Variants in PRSS35 observed in about 807,000 individuals in gnomAD.
PRSS35 encodes inactive serine protease 35.
A neutral mutation model predicts 8.1 loss-of-function variants in PRSS35; 7 were observed. The ratio of observed to expected loss-of-function variants is 0.86; its 90% CI spans 0.49 to 1.62. The LOEUF (loss-of-function observed/expected upper bound fraction) is 1.62. Among genes scored for constraint, PRSS35 ranks in the 40% most tolerant of loss-of-function variants. The pLI is 0.00. For synonymous variants in PRSS35, 199 were observed against 188.7 expected (o/e 1.05, Z -0.45); for missense variants, 566 against 518.0 (o/e 1.09, Z -0.90).
intron 1 of PRSS35, among the ~76,000 whole-genome samples, chr6:83,521,630 G>A (rs1341372408): frequency 6.6e-6 from 1 of 151,702 alleles, no homozygotes; most frequent in Non-Finnish European, 1.5e-5. Context: ...CTGAGTAGCT[G>A]GGACTACAGG....
At chr6:83,521,968 T>G (rs1771829593) in intron 1 of PRSS35, among the ~76,000 whole-genome samples, 1 of 152,224 alleles carries the variant, frequency 6.6e-6, no homozygotes, top group African/African-American at 2.4e-5. Flanking sequence ...ACATAAATTC[T>G]GTTGTATCAA....
Position 83,524,757 on chromosome 6 carries a change from C to T in PRSS35, c.*74C>T. On this transcript the variant is annotated 3_prime_UTR_variant, in exon 2 of 2. Coordinates refer to ENST00000369700, the MANE Select transcript of PRSS35 (RefSeq NM_153362.3). ...AGCTCTGCTTACCGTAGTGAGATCACTTCATAGGTTATGCCTGGACTTGAA... is the reference window on the plus strand; with the variant it reads ...AGCTCTGCTTACCGTAGTGAGATCATTTCATAGGTTATGCCTGGACTTGAA... The T allele has an allele frequency of 7.1e-7, 1 of 1,406,660 alleles. No homozygotes were observed. Among genetic ancestry groups the T allele is most frequent in the Non-Finnish European group, 9.6e-7 (1 of 1,044,582 alleles). The allele number at this position is 1,406,660 out of a possible 1,614,324, so 87.1% of individuals were successfully genotyped here. A position where few individuals can be genotyped will look rare whatever the true frequency, so the allele number is the denominator to read the frequency against.
rs1383290895 is a variant in PRSS35, at chr6:83,524,127, G to A, written c.686G>A (p.Gly229Asp). 1.9e-6 allele frequency: 3 copies of A among 1,614,078 alleles called. No homozygotes were observed. Among genetic ancestry groups the A allele is most frequent in the Non-Finnish European group, 2.5e-6 (3 of 1,180,002 alleles). The change falls in exon 2 of 2, where the codon GGT becomes GAT. Residue 229 changes from glycine (G) to aspartate (D), a missense_variant. Transcript: ENST00000369700. ...GAGCATCTGCGGGAGAGAGCGAAGGGTGGGAGAAGAAGAAAAAAATCTGGC... is the reference window on the plus strand; with the variant it reads ...GAGCATCTGCGGGAGAGAGCGAAGGATGGGAGAAGAAGAAAAAAATCTGGC... The part of the protein sequence containing the change: ...TREHLRERAK[G>D]GRRRKKSGRG...
chr6:83,524,492 T>C lies in PRSS35; in HGVS notation c.1051T>C (p.Tyr351His). ...AESGSTGSGV[Y>H]LRLKDPDKKN... The stretch of plus-strand genomic sequence containing the variant: ...GTCGGGCTCCACCGGTTCGGGGGTC[T>C]ATCTGCGTCTGAAAGATCCAGACAA... The change falls in exon 2 of 2, where the codon TAT (tyrosine) becomes CAT (histidine). Residue 351 changes from tyrosine to histidine, a missense_variant. Tyr to His is a moderately conservative substitution (Grantham distance 83). Transcript: ENST00000369700. 6.2e-7 allele frequency: 1 copy of C among 1,614,188 alleles called. No individual in the cohort carries two copies.
At chr6:83,513,945 A>G (rs1437370332) in intron 1 of PRSS35, among the ~76,000 whole-genome samples, 1 of 152,226 alleles carries the variant, frequency 6.6e-6, no homozygotes, top group African/African-American at 2.4e-5. Flanking sequence ...CAGTAGGATC[A>G]GACTCAGAAT....
intron 1 of PRSS35, among the ~76,000 whole-genome samples, chr6:83,515,280 G>A (rs579599): frequency 0.75 from 113,858 of 152,138 alleles, 42,803 homozygotes; most frequent in East Asian, 0.86. Flanking sequence ...AATGCATGGC[G>A]GAGTTAGCAG....
At chr6:83,514,222 G>A (rs1771674038) in intron 1 of PRSS35, among the ~76,000 whole-genome samples, 1 of 152,110 alleles carries the variant, frequency 6.6e-6, no homozygotes, top group Non-Finnish European at 1.5e-5. Flanking sequence ...ATACAGATAA[G>A]TCTAGAGCTA....
intron 1 of PRSS35, among the ~76,000 whole-genome samples, chr6:83,520,720 A>G (rs1771805895): frequency 6.6e-6 from 1 of 152,244 alleles, no homozygotes; most frequent in South Asian, 2.1e-4. Context: ...CAATAGCTTT[A>G]TAAACCAGTG....
intron 1 of PRSS35, among the ~76,000 whole-genome samples, chr6:83,522,394 C>T (rs1562034610): frequency 6.6e-6 from 1 of 151,914 alleles, no homozygotes; most frequent in Non-Finnish European, 1.5e-5. Flanking sequence ...GCCAGTGAGC[C>T]TCAAGAAAAG....
Position 83,523,582 on chromosome 6 carries a change from C to T in PRSS35, c.141C>T (p.Ser47=), listed in dbSNP as rs1436842565. Residue 47 remains serine (S), a synonymous_variant, in exon 2 of 2, where the codon AGC becomes AGT. Coordinates refer to ENST00000369700, the MANE Select transcript of PRSS35 (RefSeq NM_153362.3). ...GTGAAAGGACTTTCCATCTCACCAG[C>T]CCCGCATTTGAGGCAGATGCTAAGA... is the stretch of plus-strand genomic sequence containing the variant. ...IVSERTFHLT[S]PAFEADAKMM... The T allele has an allele frequency of 1.2e-6, 2 of 1,614,028 alleles. No individual in the cohort carries two copies. The highest frequency in any genetic ancestry group is 1.1e-5 in the South Asian group (1 of 91,090).
At chr6:83,520,087 A>G (rs911930796) in intron 1 of PRSS35, among the ~76,000 whole-genome samples, 5 of 152,226 alleles carry the variant, frequency 3.3e-5, no homozygotes, top group African/African-American at 1.2e-4. Flanking sequence ...ATTAAAAATA[A>G]AAATAAAAGT....
chr6:83,521,406 G>T (rs1771818939), intron 1 of PRSS35, among the ~76,000 whole-genome samples: 1 of 151,982 alleles, frequency 6.6e-6, no homozygotes, highest in African/African-American at 2.4e-5. Flanking sequence ...AATCCTTGAT[G>T]ATATAATTAC....
Position 83,523,729 on chromosome 6 carries a change from C to G in PRSS35, c.288C>G (p.Thr96=). The part of the protein sequence containing the change: ...TVFENGTRTL[T]RVKVQDLVLE... Reference sequence around the variant, plus strand: ...TTGAGAATGGCACCCGAACCTTAACCAGGGTGAAAGTTCAAGATTTGGTTC... The same window carrying G: ...TTGAGAATGGCACCCGAACCTTAACGAGGGTGAAAGTTCAAGATTTGGTTC... The change falls in exon 2 of 2, where the codon ACC becomes ACG. Residue 96 remains threonine, a synonymous_variant. Coordinates refer to ENST00000369700, the MANE Select transcript of PRSS35 (RefSeq NM_153362.3). 1 of 1,614,150 alleles carries G rather than the reference C, an allele frequency of 6.2e-7. No individual in the cohort carries two copies. Among genetic ancestry groups the G allele is most frequent in the Non-Finnish European group, 8.5e-7 (1 of 1,180,028 alleles).
Position 83,523,970 on chromosome 6 carries a change from T to C in PRSS35, c.529T>C (p.Tyr177His). Residue 177 changes from tyrosine (Y) to histidine (H), a missense_variant, in exon 2 of 2, where the codon TAT (tyrosine) becomes CAT (histidine). Coordinates refer to ENST00000369700, the MANE Select transcript of PRSS35 (RefSeq NM_153362.3). ...AAHCVHDGKD[Y>H]VKGSKKLRVG... ...CCACTGTGTTCATGATGGAAAGGAC[T>C]ATGTCAAAGGGAGTAAAAAGCTAAG... 6.2e-7 allele frequency: 1 copy of C among 1,614,128 alleles called. No individual in the cohort carries two copies. Among genetic ancestry groups the C allele is most frequent in the East Asian group, 2.2e-5 (1 of 44,886 alleles).
rs1771859955 is a variant in PRSS35 at position 83,523,488 on chromosome 6, C to A, written c.47C>A (p.Thr16Asn). The A allele has an allele frequency of 2.0e-5, 33 of 1,613,920 alleles. No homozygotes were observed. Among genetic ancestry groups the A allele is most frequent in the Non-Finnish European group, 2.7e-5 (32 of 1,179,958 alleles). Residue 16 changes from threonine (T) to asparagine (N), a missense_variant, in exon 2 of 2, where the codon ACC (threonine) becomes AAC (asparagine). Physicochemically the swap from Thr to Asn is moderately conservative, Grantham distance 65. Transcript: ENST00000369700. The stretch of plus-strand genomic sequence containing the variant: ...TTGATATTTTTCACCCCTGGGTGGA[C>A]CCTCATTGATGGATCTGAAATGGAA... ...LWLIFFTPGW[T>N]LIDGSEMEWD...
chr6:83,517,366 T>A (rs899598058), intron 1 of PRSS35, among the ~76,000 whole-genome samples: 1 of 152,210 alleles, frequency 6.6e-6, no homozygotes, highest in Non-Finnish European at 1.5e-5. Context: ...AAATTAAATG[T>A]TACCTCCATG....
Position 83,523,553 on chromosome 6 carries a change from G to T in PRSS35, c.112G>T (p.Val38Phe). Residue 38 changes from valine (V) to phenylalanine (F), a missense_variant, in exon 2 of 2, where the codon GTC becomes TTC. Physicochemically the swap from Val to Phe is conservative, Grantham distance 50. Transcript: ENST00000369700. The part of the protein sequence containing the change: ...MWHLRKVPRI[V>F]SERTFHLTSP... The stretch of plus-strand genomic sequence containing the variant: ...GCACTTGAGAAAGGTACCCCGGATT[G>T]TCAGTGAAAGGACTTTCCATCTCAC... 1 of 1,614,196 alleles carries T rather than the reference G, an allele frequency of 6.2e-7. No homozygotes were observed. The highest frequency in any genetic ancestry group is 1.3e-5 in the African/African-American group (1 of 75,052).
chr6:83,523,640 C>A lies in PRSS35; in HGVS notation c.199C>A (p.Gln67Lys). ...AAATACAGTGTGTGGCATCGAATGCCAGAAAGAACTCCCAACTCCCAGCCT... is the reference window on the plus strand; with the variant it reads ...AAATACAGTGTGTGGCATCGAATGCAAGAAAGAACTCCCAACTCCCAGCCT... ...MVNTVCGIEC[Q>K]KELPTPSLSE... Residue 67 changes from glutamine to lysine, a missense_variant, in exon 2 of 2, where the codon CAG (glutamine) becomes AAG (lysine). By Grantham distance (53) the Gln-to-Lys change is moderately conservative. Coordinates refer to ENST00000369700, the MANE Select transcript of PRSS35 (RefSeq NM_153362.3). 1 of 1,614,128 alleles carries A rather than the reference C, an allele frequency of 6.2e-7. No homozygotes were observed. Among genetic ancestry groups the A allele is most frequent in the Non-Finnish European group, 8.5e-7 (1 of 1,180,022 alleles).
intron 1 of PRSS35, among the ~76,000 whole-genome samples, chr6:83,521,955 G>T (rs1771829364): frequency 6.6e-6 from 1 of 152,036 alleles, no homozygotes; most frequent in African/African-American, 2.4e-5. Flanking sequence ...TTTGTATATG[G>T]CAACATAAAT....
Sources: allele counts gnomAD v4.1 joint callset (sites outside exome capture counted in the v4.1 genomes callset), GRCh38; gene constraint gnomAD v4.1.1; transcripts MANE v1.5; gene names NCBI Gene and HGNC (gene_info 2026-07-23, HGNC 2026-07-21).